Variants in PFDN1 observed in about 807,000 individuals in gnomAD.
The protein encoded by PFDN1 is prefoldin subunit 1.
Under a neutral mutation model 17.3 loss-of-function variants are expected in PFDN1, and 6 were observed. That is an observed-to-expected ratio of 0.35 (90% CI 0.19 to 0.69). The LOEUF (loss-of-function observed/expected upper bound fraction) is 0.69, where lower values mean the gene tolerates loss of function less well. PFDN1 is among the 30% of genes least tolerant of loss of function. The probability of loss-of-function intolerance (pLI) is 0.65; values close to 1 mark genes in which losing one functional copy is unlikely to be tolerated. For synonymous variants in PFDN1, 58 were observed against 50.1 expected, an observed-to-expected ratio of 1.16 and a Z score of -0.67; for missense variants, 113 against 146.2, an observed-to-expected ratio of 0.77 and a Z score of 1.17.
chr5:140,299,663 G>C (rs1765710783), intron 2 of PFDN1, among the ~76,000 whole-genome samples: 1 of 151,562 alleles, frequency 6.6e-6, no homozygotes, highest in Non-Finnish European at 1.5e-5. Flanking sequence ...CTGAAGTTCA[G>C]CTCCTCATTT....
In PFDN1 at chr5:140,245,396, C is replaced by G. The variant is rs762430650; in HGVS notation, c.*578G>C. On this transcript the variant is annotated 3_prime_UTR_variant, in exon 4 of 4. Transcript: ENST00000261813. The stretch of plus-strand genomic sequence containing the variant: ...AGACTGCCATCCAGGGACTGCTATT[C>G]TGTTCACTGAGATTCAGCTGTGAAC... 2 of 700,456 alleles carry G rather than the reference C, an allele frequency of 2.9e-6. No homozygotes were observed. Among genetic ancestry groups the G allele is most frequent in the Non-Finnish European group, 5.2e-6 (2 of 383,904 alleles). 43.4% of individuals were successfully genotyped at this position (700,456 alleles called of 1,614,324 possible).
intron 3 of PFDN1, among the ~76,000 whole-genome samples, chr5:140,258,314 TC>T (rs1397803718): frequency 2.0e-5 from 3 of 152,028 alleles, no homozygotes; most frequent in African/African-American, 7.3e-5. Flanking sequence ...GATCCCTCAG[TC>T]CCTGGAGTGG....
chr5:140,302,958 C>T (rs556481339), intron 1 of PFDN1, 83 bp downstream of exon 1: 34 of 987,762 alleles, frequency 3.4e-5, no homozygotes, highest in Non-Finnish European at 5.4e-5. Flanking sequence ...TTCTGCAAGG[C>T]TCGTGCCTCA....
intron 1 of PFDN1, among the ~76,000 whole-genome samples, chr5:140,302,482 T>C (rs976897855): frequency 1.3e-5 from 2 of 152,238 alleles, no homozygotes; most frequent in African/African-American, 2.4e-5. Flanking sequence ...GGTTTTGTTT[T>C]GTTTTGTTTG....
At chr5:140,268,415 G>A (rs1400253546) in intron 3 of PFDN1, among the ~76,000 whole-genome samples, 1 of 152,180 alleles carries the variant, frequency 6.6e-6, no homozygotes, top group Non-Finnish European at 1.5e-5. Flanking sequence ...ACTTTGGGAG[G>A]CCAAGGTGGA....
chr5:140,280,374 A>T (rs1195262103), intron 3 of PFDN1, among the ~76,000 whole-genome samples: 1 of 152,242 alleles, frequency 6.6e-6, no homozygotes, highest in African/African-American at 2.4e-5. Flanking sequence ...AGCTGATTAA[A>T]ATGTTAAAAT....
intron 3 of PFDN1, among the ~76,000 whole-genome samples, chr5:140,266,346 A>G (rs1765133488): frequency 6.6e-6 from 1 of 152,192 alleles, no homozygotes; most frequent in Non-Finnish European, 1.5e-5. Context: ...CTAGGGAGTA[A>G]CACTGGTTTG....
chr5:140,283,144 T>C (rs1765434968), intron 2 of PFDN1, among the ~76,000 whole-genome samples: 1 of 152,242 alleles, frequency 6.6e-6, no homozygotes, highest in South Asian at 2.1e-4. Context: ...CTCTTCTTCA[T>C]AACTAAGCCT....
At position 140,245,506 on chromosome 5, in the gene PFDN1, GA is replaced by G. The variant is rs956265106; in HGVS notation, c.*467del. 39 of 702,548 alleles carry G rather than the reference GA, an allele frequency of 5.6e-5. No individual in the cohort carries two copies. Among genetic ancestry groups the G allele is most frequent in the Non-Finnish European group, 9.3e-5 (36 of 385,032 alleles). The allele number at this position is 702,548 out of a possible 1,614,324, so 43.5% of individuals were successfully genotyped here. On this transcript the variant is annotated 3_prime_UTR_variant, in exon 4 of 4. Coordinates refer to ENST00000261813, the MANE Select transcript of PFDN1 (RefSeq NM_002622.5). ...AAAGGTACAGGAAGGGAAAAGAGAA[GA>G]GGGCAAGGCCCATCCCCCAAGAAAG...
At chr5:140,268,608 G>T (rs1186351408) in intron 3 of PFDN1, among the ~76,000 whole-genome samples, 3 of 152,166 alleles carry the variant, frequency 2.0e-5, no homozygotes, top group Non-Finnish European at 2.9e-5. Context: ...ATGCACCACT[G>T]CACTCCAGCC....
chr5:140,246,582 A>T (rs1386211559), intron 3 of PFDN1, among the ~76,000 whole-genome samples: 10 of 152,168 alleles, frequency 6.6e-5, no homozygotes, highest in Admixed American at 6.5e-4. Context: ...GTCAGAAGGC[A>T]ATCTGCTTTT....
At chr5:140,262,225 C>T (rs2126682268) in intron 3 of PFDN1, among the ~76,000 whole-genome samples, 1 of 152,264 alleles carries the variant, frequency 6.6e-6, no homozygotes, top group Middle Eastern at 3.4e-3. Flanking sequence ...CGGGGGTTAT[C>T]ATTTTATAAG....
intron 3 of PFDN1, among the ~76,000 whole-genome samples, chr5:140,279,594 TG>T (rs1668430139): frequency 6.6e-6 from 1 of 151,986 alleles, no homozygotes; most frequent in Admixed American, 6.5e-5. Flanking sequence ...CTCCCGTAGC[TG>T]GGACTACAAG....
intron 2 of PFDN1, among the ~76,000 whole-genome samples, chr5:140,295,757 G>A (rs1045952004): frequency 2.0e-5 from 3 of 151,940 alleles, no homozygotes; most frequent in Non-Finnish European, 4.4e-5. Flanking sequence ...AAATAGCCAT[G>A]TATAAGAGGT....
chr5:140,260,349 G>A (rs182097173), intron 3 of PFDN1, among the ~76,000 whole-genome samples: 1 of 150,450 alleles, frequency 6.6e-6, no homozygotes, highest in Admixed American at 6.7e-5. Context: ...ATTACCATAT[G>A]AGCCAGCTAA....
intron 2 of PFDN1, among the ~76,000 whole-genome samples, chr5:140,287,077 GTATACAAATAATCCAATCAACCTTGGA>G (rs1177096795): frequency 2.0e-5 from 3 of 152,172 alleles, no homozygotes; most frequent in Non-Finnish European, 4.4e-5. Context: ...GTGAATATAT[GTATACAAATAATCCAATCAACCTTGGA>G]TTAACTAGTT....
intron 3 of PFDN1, among the ~76,000 whole-genome samples, chr5:140,261,258 C>G (rs1475952434): frequency 1.3e-5 from 2 of 151,768 alleles, no homozygotes; most frequent in Non-Finnish European, 2.9e-5. Flanking sequence ...TGATTTTCAC[C>G]AGCAAATCAG....
At chr5:140,260,291 G>C (rs960024296) in intron 3 of PFDN1, among the ~76,000 whole-genome samples, 1 of 152,044 alleles carries the variant, frequency 6.6e-6, no homozygotes, top group Non-Finnish European at 1.5e-5. Context: ...TTTAAAATGG[G>C]GCAGCTGCTA....
rs944775940 is a variant in PFDN1, at chr5:140,279,621, C to T, written c.285+1828G>A. Among the ~76,000 whole-genome samples, 286 of 151,930 alleles carry T rather than the reference C, an allele frequency of 1.9e-3. 8 individuals are homozygous for T. The highest frequency in any genetic ancestry group is 2.4e-3 in the Admixed American group (37 of 15,268). On this transcript the variant is annotated intron_variant, in intron 3 of 3. Transcript: ENST00000261813. ...GGACTACAAGCATTTGCCACTGTGC[C>T]CACTCTGCTAATTTTTTAATCATGA...
Sources: gnomAD v4.1 joint callset for allele counts (sites outside exome capture counted in the v4.1 genomes callset) on GRCh38, gnomAD v4.1.1 for gene constraint, MANE v1.5 for transcripts, NCBI Gene and HGNC (gene_info 2026-07-23, HGNC 2026-07-21) for gene names.